IMMP2L: variants seen among roughly 807,000 people sequenced by gnomAD.
IMMP2L encodes mitochondrial inner membrane protease subunit 2.
A neutral mutation model predicts 19.3 loss-of-function variants in IMMP2L; 18 were observed. The observed-to-expected ratio is 0.93, with a 90% confidence interval of 0.64 to 1.38. IMMP2L has a LOEUF of 1.38. Among genes scored for constraint, IMMP2L ranks in the 40% most tolerant of loss-of-function variants. IMMP2L has a pLI of 0.00. For synonymous variants in IMMP2L, 76 were observed against 73.0 expected (o/e 1.04, Z -0.21); for missense variants, 233 against 218.2 (o/e 1.07, Z -0.43).
chr7:110,930,130 A>G (rs562820133), intron 4 of IMMP2L, among the ~76,000 whole-genome samples: 4 of 152,142 alleles, frequency 2.6e-5, no homozygotes, highest in Admixed American at 6.6e-5. Context: ...ACATAGTTAC[A>G]TGGTGCTTTA....
chr7:111,362,327 T>C (rs1414515921), intron 3 of IMMP2L, among the ~76,000 whole-genome samples: 1 of 152,092 alleles, frequency 6.6e-6, no homozygotes, highest in Non-Finnish European at 1.5e-5. Flanking sequence ...AAATTGTGTT[T>C]AATTTTCTAA....
At chr7:111,070,455 AT>A (rs111942772) in intron 3 of IMMP2L, among the ~76,000 whole-genome samples, 18,398 of 150,126 alleles carry the variant, frequency 0.12, 1,529 homozygotes, top group African/African-American at 0.23. Flanking sequence ...GAAAAAACTT[AT>A]TTTTTTTTTG....
intron 3 of IMMP2L, among the ~76,000 whole-genome samples, chr7:111,288,986 C>G (rs1683701989): frequency 6.6e-6 from 1 of 152,154 alleles, no homozygotes; most frequent in South Asian, 2.1e-4. Context: ...TATTGCGGCA[C>G]TGTTGACAAT....
intron 3 of IMMP2L, among the ~76,000 whole-genome samples, chr7:111,451,623 T>G: frequency 6.8e-6 from 1 of 147,538 alleles, no homozygotes; most frequent in Non-Finnish European, 1.5e-5. Context: ...GATGACGAGT[T>G]AGGGGGTGCA....
chr7:110,742,768 CAAAAAAAA>C (rs35558488), intron 5 of IMMP2L, among the ~76,000 whole-genome samples: 1 of 121,578 alleles, frequency 8.2e-6, no homozygotes, highest in Non-Finnish European at 1.8e-5. Context: ...AACTCCGTCT[CAAAAAAAA>C]AAAAAAAAAA....
intron 3 of IMMP2L, among the ~76,000 whole-genome samples, chr7:111,068,583 C>T (rs1433204787): frequency 2.6e-5 from 4 of 152,128 alleles, no homozygotes; most frequent in Non-Finnish European, 5.9e-5. Flanking sequence ...AAAAGAAATG[C>T]TTTCAAGGAA....
chr7:111,097,537 G>A (rs909161826), intron 3 of IMMP2L, among the ~76,000 whole-genome samples: 4 of 151,568 alleles, frequency 2.6e-5, no homozygotes, highest in African/African-American at 9.7e-5. Context: ...AGAGATTAAA[G>A]CATTTAAATA....
At chr7:110,808,066 G>T (rs1801750782) in intron 5 of IMMP2L, among the ~76,000 whole-genome samples, 1 of 151,994 alleles carries the variant, frequency 6.6e-6, no homozygotes, top group Non-Finnish European at 1.5e-5. Context: ...AAGTACATGG[G>T]AAAATATTAG....
At chr7:111,310,347 A>T (rs942281141) in intron 3 of IMMP2L, among the ~76,000 whole-genome samples, 1 of 152,030 alleles carries the variant, frequency 6.6e-6, no homozygotes, top group Non-Finnish European at 1.5e-5. Context: ...TGGCACAAAA[A>T]GTATTAAGAA....
chr7:111,304,669 A>AAT (rs1554439051), intron 3 of IMMP2L, among the ~76,000 whole-genome samples: 4 of 60,594 alleles, frequency 6.6e-5, no homozygotes, highest in African/African-American at 2.2e-4. Flanking sequence ...ACACATATAT[A>AAT]ATGTGTGTGT....
intron 1 of IMMP2L, among the ~76,000 whole-genome samples, chr7:111,522,938 T>TATATGTATATATA (rs199823915): frequency 6.7e-5 from 10 of 148,752 alleles, no homozygotes; most frequent in South Asian, 2.1e-4. Context: ...TATATATATA[T>TATATGTATATATA]TATTTCACCA....
chr7:110,884,050 G>T (rs1329686012), intron 5 of IMMP2L, among the ~76,000 whole-genome samples: 1 of 151,994 alleles, frequency 6.6e-6, no homozygotes, highest in African/African-American at 2.4e-5. Context: ...CAATTGAAGA[G>T]TCTGTCAGTG....
At chr7:110,797,544 TTAAC>T (rs373549665) in intron 5 of IMMP2L, among the ~76,000 whole-genome samples, 13 of 152,172 alleles carry the variant, frequency 8.5e-5, no homozygotes, top group African/African-American at 1.2e-4. Context: ...TGAAAAATAA[TTAAC>T]TAAGAGAAGA....
intron 3 of IMMP2L, among the ~76,000 whole-genome samples, chr7:111,165,100 T>C (rs1017094692): frequency 6.6e-6 from 1 of 151,928 alleles, no homozygotes; most frequent in Non-Finnish European, 1.5e-5. Flanking sequence ...CCGGGGCCCC[T>C]GGCAACCTCC....
intron 3 of IMMP2L, among the ~76,000 whole-genome samples, chr7:111,002,140 A>G (rs995611502): frequency 1.3e-5 from 2 of 152,118 alleles, no homozygotes; most frequent in South Asian, 2.1e-4. Context: ...GTACAAATGA[A>G]GAGACTCTCT....
At chr7:111,474,757 T>G (rs778568711) in intron 3 of IMMP2L, among the ~76,000 whole-genome samples, 18 of 152,126 alleles carry the variant, frequency 1.2e-4, no homozygotes, top group Non-Finnish European at 2.5e-4. Flanking sequence ...GCAACTCAAT[T>G]AACACAGTGT....
At chr7:111,376,474 C>T (rs769117585) in intron 3 of IMMP2L, among the ~76,000 whole-genome samples, 1 of 152,088 alleles carries the variant, frequency 6.6e-6, no homozygotes, top group Admixed American at 6.6e-5. Context: ...GGAGCAGCAG[C>T]TTCCGAAAAC....
chr7:110,997,632 A>C (rs2129560632), intron 3 of IMMP2L, among the ~76,000 whole-genome samples: 1 of 152,110 alleles, frequency 6.6e-6, no homozygotes, highest in East Asian at 1.9e-4. Flanking sequence ...ACATCTTTTC[A>C]TGTGCTTATT....
intron 3 of IMMP2L, among the ~76,000 whole-genome samples, chr7:111,291,031 A>G (rs1821049299): frequency 2.6e-5 from 4 of 152,088 alleles, no homozygotes; most frequent in Admixed American, 2.6e-4. Context: ...TAAAGATCCT[A>G]TAGAAGTTCT....
Sources: gnomAD v4.1 joint callset for allele counts (sites outside exome capture counted in the v4.1 genomes callset) on GRCh38, gnomAD v4.1.1 for gene constraint, MANE v1.5 for transcripts, NCBI Gene and HGNC (gene_info 2026-07-23, HGNC 2026-07-21) for gene names.